Variants in ATCAY observed in about 807,000 individuals in gnomAD.
The protein encoded by ATCAY is ATCAY kinesin light chain interacting caytaxin.
Under a neutral mutation model 47.7 loss-of-function variants are expected in ATCAY, and 22 were observed. The observed-to-expected ratio is 0.46, with a 90% CI of 0.33 to 0.66. The LOEUF (loss-of-function observed/expected upper bound fraction) is 0.66. Among genes scored for constraint, ATCAY ranks in the 30% least tolerant of loss-of-function variants. The pLI, the probability that ATCAY is intolerant of heterozygous loss-of-function variation, is 0.02. For synonymous variants in ATCAY, 216 were observed against 207.6 expected (o/e 1.04, Z -0.35); for missense variants, 452 against 515.0 (o/e 0.88, Z 1.18).
At chr19:3,887,672 G>C (rs2038672123) in intron 2 of ATCAY, among the ~76,000 whole-genome samples, 1 of 150,312 alleles carries the variant, frequency 6.7e-6, no homozygotes, top group Admixed American at 6.6e-5. Context: ...ATTTTTAGTA[G>C]AGACGGGGTT....
At position 3,918,805 on chromosome 19, in the gene ATCAY, G is replaced by A; in HGVS notation, c.1002-1G>A. 1 of 1,613,964 alleles carries A rather than the reference G, an allele frequency of 6.2e-7. No individual in the cohort carries two copies. The highest frequency in any genetic ancestry group is 1.1e-5 in the South Asian group (1 of 91,088). On this transcript the variant is annotated splice_acceptor_variant, in intron 10 of 12. Coordinates refer to ENST00000450849, the MANE Select transcript of ATCAY (RefSeq NM_033064.5). LOFTEE classifies it high-confidence loss of function. The stretch of plus-strand genomic sequence containing the variant: ...TGTCACCTCGTTCTCTCTGTCCACA[G>A]CGCGAGGCCCCAGCCGGAGTTTGTG...
At chr19:3,924,225 G>A (rs2039046256) in intron 12 of ATCAY, among the ~76,000 whole-genome samples, 1 of 140,174 alleles carries the variant, frequency 7.1e-6, no homozygotes, top group African/African-American at 2.9e-5. Flanking sequence ...GGATGGGTGA[G>A]TGAGTGTGTG....
intron 9 of ATCAY, among the ~76,000 whole-genome samples, chr19:3,916,208 G>A (rs967484210): frequency 1.3e-5 from 2 of 152,148 alleles, no homozygotes; most frequent in Non-Finnish European, 2.9e-5. Flanking sequence ...CATCCACATT[G>A]TAGCCTGTGT....
intron 9 of ATCAY, among the ~76,000 whole-genome samples, chr19:3,916,962 C>G (rs2038971445): frequency 6.6e-6 from 1 of 151,930 alleles, no homozygotes; most frequent in African/African-American, 2.4e-5. Context: ...CACCTGCCAC[C>G]ACGCCCAGCT....
chr19:3,902,163 A>C (rs1226820843), intron 2 of ATCAY, among the ~76,000 whole-genome samples: 1 of 151,894 alleles, frequency 6.6e-6, no homozygotes, highest in Non-Finnish European at 1.5e-5. Context: ...AAACCAAAAA[A>C]CTACAAAAAT....
At chr19:3,883,054 G>A (rs118125054) in intron 1 of ATCAY, among the ~76,000 whole-genome samples, 3,044 of 151,874 alleles carry the variant, frequency 0.02, 184 homozygotes, top group Admixed American at 0.13. Flanking sequence ...TTCCAGGCAT[G>A]CACCACTGCA....
intron 12 of ATCAY, chr19:3,922,327 G>A: frequency 6.3e-6 from 4 of 638,746 alleles, no homozygotes; most frequent in Non-Finnish European, 1.1e-5. Context: ...GCATGGCTGG[G>A]GAGGCCCCGG....
At chr19:3,919,463 G>T (rs551933847) in intron 11 of ATCAY, among the ~76,000 whole-genome samples, 1 of 151,316 alleles carries the variant, frequency 6.6e-6, no homozygotes, top group Non-Finnish European at 1.5e-5. Context: ...ATGGTGGCTC[G>T]TGCCTGTAGT....
At position 3,924,882 on chromosome 19, in the gene ATCAY, C is replaced by G. The variant is rs2039052995; in HGVS notation, c.*290C>G. The G allele has an allele frequency of 2.4e-6, 1 of 423,274 alleles. No individual in the cohort carries two copies. The highest frequency in any genetic ancestry group is 4.3e-6 in the Non-Finnish European group (1 of 233,384). 26.2% of individuals were successfully genotyped at this position (423,274 alleles called of 1,614,324 possible). On this transcript the variant is annotated 3_prime_UTR_variant, in exon 13 of 13. Transcript: ENST00000450849. ...TCTCAGCCGAGGAAGGCAAGAAGCGCAGGGGGTGGCCCGCGTGGCGTCGGT... is the reference window on the plus strand; with the variant it reads ...TCTCAGCCGAGGAAGGCAAGAAGCGGAGGGGGTGGCCCGCGTGGCGTCGGT...
chr19:3,907,754 G>A lies in ATCAY; in HGVS notation c.379G>A (p.Ala127Thr), dbSNP rs756591751. 2.7e-5 allele frequency: 43 copies of A among 1,613,894 alleles called. No individual in the cohort carries two copies. The highest frequency in any genetic ancestry group is 1.6e-4 in the Middle Eastern group (1 of 6,082). ...EWEDDTPVAT[A>T]KNMPGDSADL... ...TCTAGACGACACCCCCGTGGCCACC[G>A]CCAAGAACATGCCCGGGGACAGCGC... Residue 127 changes from alanine to threonine, a missense_variant, in exon 5 of 13, where the codon GCC (alanine) becomes ACC (threonine). Coordinates refer to ENST00000450849, the MANE Select transcript of ATCAY (RefSeq NM_033064.5). The surrounding 1 kb of genome is among the most constrained non-coding windows in gnomAD (Gnocchi z 5.1).
chr19:3,917,889 G>T, intron 10 of ATCAY, 112 bp downstream of exon 10: 1 of 1,228,164 alleles, frequency 8.1e-7, no homozygotes, highest in Non-Finnish European at 1.1e-6. Context: ...ATTGTCCTGT[G>T]CAGGGCTCAA....
In ATCAY at chr19:3,907,393, A is replaced by C. The variant is rs2038870675; in HGVS notation, c.359-341A>C. 6.6e-6 allele frequency among the ~76,000 whole-genome samples: 1 copy of C among 152,112 alleles called. No individual in the cohort carries two copies. The highest frequency in any genetic ancestry group is 2.4e-5 in the African/African-American group (1 of 41,428). On this transcript the variant is annotated intron_variant, in intron 4 of 12. Transcript: ENST00000450849. The surrounding 1 kb of genome is among the most constrained non-coding windows in gnomAD (Gnocchi z 5.1). ...GTGCCAGGCTCCTGGGAGAGTAAAA[A>C]CCAAGCATGCATGCCCCGAGTATCC...
chr19:3,880,791 C>G lies in ATCAY; in HGVS notation c.-259C>G, dbSNP rs1229204828. On this transcript the variant is annotated 5_prime_UTR_variant, in exon 1 of 13. Transcript: ENST00000450849. ...CGCAGCCCCGCGCTGGGGAGCCCACCGCTAACCCTGCACCCCACCCACCCC... is the reference window on the plus strand; with the variant it reads ...CGCAGCCCCGCGCTGGGGAGCCCACGGCTAACCCTGCACCCCACCCACCCC... 6.6e-6 allele frequency: 1 copy of G among 152,458 alleles called. No homozygotes were observed. The highest frequency in any genetic ancestry group is 2.0e-4 in the South Asian group (1 of 4,894). The allele number at this position is 152,458 out of a possible 1,614,324, so 9.4% of individuals were successfully genotyped here.
Position 3,907,858 on chromosome 19 carries a change from G to T in ATCAY, c.483G>T (p.Glu161Asp). ...GRLWRTVIIG[E>D]QEHRIDLHMI... is the part of the protein sequence containing the mutation. Reference sequence around the variant, plus strand: ...TGTGGCGGACAGTGATCATCGGGGAGCAAGAGCACCGTATAGACCTGCACA... The same window carrying T: ...TGTGGCGGACAGTGATCATCGGGGATCAAGAGCACCGTATAGACCTGCACA... Residue 161 changes from glutamate to aspartate, a missense_variant, in exon 5 of 13, where the codon GAG (glutamate) becomes GAT (aspartate). Glu to Asp is a conservative substitution (Grantham distance 45, BLOSUM62 2). Coordinates refer to ENST00000450849, the MANE Select transcript of ATCAY (RefSeq NM_033064.5). This position sits in a 1 kb window ranked among gnomAD's most constrained non-coding sequence, Gnocchi z 5.1. 1 of 1,613,978 alleles carries T rather than the reference G, an allele frequency of 6.2e-7. No homozygotes were observed. Among genetic ancestry groups the T allele is most frequent in the South Asian group, 1.1e-5 (1 of 91,088 alleles).
chr19:3,888,167 C>T (rs2038680420), intron 2 of ATCAY, among the ~76,000 whole-genome samples: 1 of 151,692 alleles, frequency 6.6e-6, no homozygotes, highest in Admixed American at 6.6e-5. Flanking sequence ...GCTGTTGAGA[C>T]GTGTGACTCT....
rs1195699542 is a variant in ATCAY, at chr19:3,918,756, T to C, written c.1002-50T>C. On this transcript the variant is annotated intron_variant, in intron 10 of 12. Coordinates refer to ENST00000450849, the MANE Select transcript of ATCAY (RefSeq NM_033064.5). The stretch of plus-strand genomic sequence containing the variant: ...CAGTACTAGCTGAGAGCCCACCCCT[T>C]GGCCTGGCTGGGCTAGTCACCCTTG... 1.9e-6 allele frequency: 3 copies of C among 1,603,228 alleles called. No individual in the cohort carries two copies. In the African/African-American group the frequency reaches 4.0e-5, roughly 21 times the overall value.
At chr19:3,882,954 G>C (rs2038614845) in intron 1 of ATCAY, among the ~76,000 whole-genome samples, 1 of 149,648 alleles carries the variant, frequency 6.7e-6, no homozygotes, top group South Asian at 2.1e-4. Flanking sequence ...GTTAGTTTTT[G>C]TATTTTTTTT....
At position 3,905,474 on chromosome 19, in the gene ATCAY, G is replaced by A; in HGVS notation, c.177G>A (p.Lys59=). 1 of 1,613,704 alleles carries A rather than the reference G, an allele frequency of 6.2e-7. No individual in the cohort carries two copies. The highest frequency in any genetic ancestry group is 8.5e-7 in the Non-Finnish European group (1 of 1,179,762). ...TAAATTTCAACGGAGCGCATCGTAA[G>A]AGGAAGACGCTGGTGGCCCCAGAGA... ...NTLNFNGAHR[K]RKTLVAPEIN... Residue 59 remains lysine (K), a synonymous_variant, in exon 4 of 13, where the codon AAG becomes AAA. Transcript: ENST00000450849.
In ATCAY at chr19:3,907,940, C is replaced by A. The variant is rs770081568; in HGVS notation, c.544+21C>A. The A allele has an allele frequency of 2.2e-5, 35 of 1,607,192 alleles. No individual in the cohort carries two copies. Among genetic ancestry groups the A allele is most frequent in the Non-Finnish European group, 2.7e-5 (32 of 1,176,946 alleles). The stretch of plus-strand genomic sequence containing the variant: ...CGGAGGTGAGACCCGCCCCCCGGTG[C>A]CCCCTTGGGGCTCCAGCCCGGCCCA... On this transcript the variant is annotated intron_variant, in intron 5 of 12. Transcript: ENST00000450849. This position sits in a 1 kb window ranked among gnomAD's most constrained non-coding sequence, Gnocchi z 5.1.
Sources: allele counts gnomAD v4.1 joint callset (sites outside exome capture counted in the v4.1 genomes callset), GRCh38; gene constraint gnomAD v4.1.1; non-coding constraint Gnocchi (gnomAD v3.1); transcripts MANE v1.5; gene names NCBI Gene and HGNC (gene_info 2026-07-23, HGNC 2026-07-21).